Variants in GBE1 observed in about 807,000 individuals in gnomAD.
The protein encoded by GBE1 is 1,4-alpha-glucan branching enzyme 1.
In GBE1, 70 loss-of-function variants were observed where a neutral mutation model predicts 88.8. The observed-to-expected ratio is 0.79, with a 90% CI of 0.65 to 0.96. GBE1 has a LOEUF of 0.96. Among genes scored for constraint, GBE1 ranks in the 40% least tolerant of loss-of-function variants. The probability of loss-of-function intolerance (pLI) is 0.00; values close to 1 mark genes in which losing one functional copy is unlikely to be tolerated. For synonymous variants in GBE1, 284 were observed against 300.1 expected (o/e 0.95, Z 0.56); for missense variants, 872 against 871.0 (o/e 1.00, Z -0.01).
intron 12 of GBE1, among the ~76,000 whole-genome samples, chr3:81,564,658 G>T (rs780859098): frequency 2.6e-4 from 40 of 152,066 alleles, no homozygotes; most frequent in Middle Eastern, 3.2e-3. Context: ...AAAGGTTATG[G>T]TCATCAGGAA....
rs1456579860 is a variant in GBE1 at position 81,578,059 on chromosome 3, A to G, written c.1484T>C (p.Met495Thr). 1.2e-6 allele frequency: 2 copies of G among 1,608,036 alleles called. No individual in the cohort carries two copies. Among genetic ancestry groups the G allele is most frequent in the Admixed American group, 3.4e-5 (2 of 59,028 alleles). Residue 495 changes from methionine (M) to threonine (T), a missense_variant, in exon 12 of 16, where the codon ATG becomes ACG. By Grantham distance (81) the Met-to-Thr change is moderately conservative. Transcript: ENST00000429644. ...VGDKSLAFWL[M>T]DAEMYTNMSV... is the part of the protein sequence containing the mutation. The stretch of plus-strand genomic sequence containing the variant: ...CATGTTTGTATACATTTCGGCATCC[A>G]TCAACCAAAATGCCAGCGACTTATC...
At chr3:81,704,976 G>A (rs915499129) in intron 2 of GBE1, among the ~76,000 whole-genome samples, 1 of 152,098 alleles carries the variant, frequency 6.6e-6, no homozygotes, top group Non-Finnish European at 1.5e-5. Context: ...AATGAGTGAT[G>A]GAGGTTACAC....
rs570104271 is a variant in GBE1 at position 81,535,138 on chromosome 3, T to A, written c.1934+57A>T. 1.8e-5 allele frequency: 25 copies of A among 1,377,042 alleles called. No homozygotes were observed. The South Asian group carries it at 3.3e-4, about 18-fold the overall frequency. 85.3% of individuals were successfully genotyped at this position (1,377,042 alleles called of 1,614,324 possible). A position where few individuals can be genotyped will look rare whatever the true frequency, so the allele number is the denominator to read the frequency against. ...TAGTCTTTTTTTTTTTTTTGTCCTA[T>A]AATGTAATAAAGAAGTGAATGTGGA... On this transcript the variant is annotated intron_variant, in intron 14 of 15. Transcript: ENST00000429644.
chr3:81,523,759 T>A (rs1702904204), intron 14 of GBE1, among the ~76,000 whole-genome samples: 1 of 151,796 alleles, frequency 6.6e-6, no homozygotes, highest in Non-Finnish European at 1.5e-5. Context: ...AGTTAGTTTT[T>A]CTATTCCTGG....
chr3:81,662,873 T>C (rs1012960333), intron 3 of GBE1, among the ~76,000 whole-genome samples: 4 of 152,296 alleles, frequency 2.6e-5, no homozygotes, highest in African/African-American at 9.6e-5. Context: ...TCTCCCTCTC[T>C]TGCAGCTAGA....
chr3:81,750,238 C>G (rs1414782325), intron 1 of GBE1, among the ~76,000 whole-genome samples: 1 of 151,828 alleles, frequency 6.6e-6, no homozygotes, highest in Admixed American at 6.6e-5. Flanking sequence ...ACAAAAATGA[C>G]AACCATGAAG....
chr3:81,587,051 CT>C (rs1009604426), intron 9 of GBE1, among the ~76,000 whole-genome samples: 16 of 152,092 alleles, frequency 1.1e-4, no homozygotes, highest in Admixed American at 8.5e-4. Flanking sequence ...GAACTCCCAT[CT>C]CGGCCTCCCA....
At chr3:81,653,883 G>A (rs377581617) in intron 3 of GBE1, among the ~76,000 whole-genome samples, 2 of 152,058 alleles carry the variant, frequency 1.3e-5, no homozygotes, top group African/African-American at 2.4e-5. Context: ...TCATTTACTT[G>A]TACAGATTCT....
intron 1 of GBE1, among the ~76,000 whole-genome samples, chr3:81,738,265 C>T (rs1268316391): frequency 2.0e-5 from 3 of 150,904 alleles, no homozygotes; most frequent in Non-Finnish European, 4.4e-5. Context: ...TGGGTATATA[C>T]CCAGTAATGG....
intron 7 of GBE1, among the ~76,000 whole-genome samples, chr3:81,636,614 TC>T (rs1458691406): frequency 6.6e-6 from 1 of 151,700 alleles, no homozygotes; most frequent in Non-Finnish European, 1.5e-5. Flanking sequence ...CACTGCAACC[TC>T]CGCCTCCCAG....
At chr3:81,604,432 G>A (rs1213425876) in intron 7 of GBE1, among the ~76,000 whole-genome samples, 1 of 151,556 alleles carries the variant, frequency 6.6e-6, no homozygotes, top group East Asian at 1.9e-4. Context: ...GATGACAGGA[G>A]TGCACCACGA....
Position 81,636,325 on chromosome 3 carries a change from G to T in GBE1, c.992+6456C>A, listed in dbSNP as rs115973661. 4.2e-3 allele frequency among the ~76,000 whole-genome samples: 644 copies of T among 152,090 alleles called. 8 individuals are homozygous for T. Among genetic ancestry groups the T allele is most frequent in the African/African-American group, 0.014 (578 of 41,530 alleles). On this transcript the variant is annotated intron_variant, in intron 7 of 15. Transcript: ENST00000429644. Reference sequence around the variant, plus strand: ...CAAGGAAGAAATGCTGAAAGGGAAAGAAAAAATATTAAGAAAACAGGAAGA... The same window carrying T: ...CAAGGAAGAAATGCTGAAAGGGAAATAAAAAATATTAAGAAAACAGGAAGA...
intron 7 of GBE1, among the ~76,000 whole-genome samples, chr3:81,598,843 GTAATTA>G (rs1703993586): frequency 6.6e-6 from 1 of 151,632 alleles, no homozygotes. Context: ...CAGAATGTAG[GTAATTA>G]TAAATTATGG....
chr3:81,544,594 C>T (rs530986409), intron 12 of GBE1, among the ~76,000 whole-genome samples: 14 of 152,214 alleles, frequency 9.2e-5, no homozygotes, highest in South Asian at 2.1e-4. Context: ...AACAAAATCA[C>T]GGAAGCCCGT....
chr3:81,543,995 T>C (rs894415282), intron 12 of GBE1, among the ~76,000 whole-genome samples: 13 of 152,170 alleles, frequency 8.5e-5, no homozygotes, highest in African/African-American at 3.1e-4. Flanking sequence ...TTTTCTAATA[T>C]TTCATGCAAA....
intron 15 of GBE1, among the ~76,000 whole-genome samples, chr3:81,498,777 G>A (rs951399518): frequency 2.0e-5 from 3 of 152,094 alleles, no homozygotes; most frequent in Non-Finnish European, 4.4e-5. Flanking sequence ...AGAACAGAAG[G>A]AAAGTGAAAT....
intron 9 of GBE1, among the ~76,000 whole-genome samples, chr3:81,589,110 T>C (rs575087761): frequency 6.6e-6 from 1 of 152,282 alleles, no homozygotes; most frequent in East Asian, 1.9e-4. Context: ...CCTATTCATA[T>C]GGCATATGAA....
At chr3:81,696,035 C>T (rs910169473) in intron 2 of GBE1, among the ~76,000 whole-genome samples, 3 of 151,710 alleles carry the variant, frequency 2.0e-5, no homozygotes, top group South Asian at 2.1e-4. Context: ...CCTTTTTTTC[C>T]GCCCCCCCAA....
intron 2 of GBE1, among the ~76,000 whole-genome samples, chr3:81,690,474 T>A (rs776557326): frequency 2.0e-5 from 3 of 152,226 alleles, no homozygotes; most frequent in Non-Finnish European, 4.4e-5. Context: ...AAACAATACA[T>A]GTGCATTAAA....
Sources: gnomAD v4.1 joint callset for allele counts (sites outside exome capture counted in the v4.1 genomes callset) on GRCh38, gnomAD v4.1.1 for gene constraint, MANE v1.5 for transcripts, NCBI Gene and HGNC (gene_info 2026-07-23, HGNC 2026-07-21) for gene names.